Variants in IQGAP2 observed in about 807,000 individuals in gnomAD.
The protein encoded by IQGAP2 is ras GTPase-activating-like protein IQGAP2.
In IQGAP2, 173 loss-of-function variants were observed where a neutral mutation model predicts 201.3. That is an observed-to-expected ratio of 0.86 (90% confidence interval 0.76 to 0.98). The LOEUF is 0.98. Ranked by LOEUF, IQGAP2 falls within the 50% of genes least tolerant of loss-of-function variation. The probability of loss-of-function intolerance (pLI) is 0.00; values close to 1 mark genes in which losing one functional copy is unlikely to be tolerated. For synonymous variants in IQGAP2, 675 were observed against 673.9 expected (o/e 1.00, Z -0.03); for missense variants, 1,687 against 1,864.8 (o/e 0.90, Z 1.76).
intron 1 of IQGAP2, among the ~76,000 whole-genome samples, chr5:76,435,380 A>G (rs1409777965): frequency 1.3e-5 from 2 of 152,094 alleles, no homozygotes; most frequent in African/African-American, 2.4e-5. Context: ...TTTGTATACA[A>G]TGAGAGGGAT....
intron 2 of IQGAP2, among the ~76,000 whole-genome samples, chr5:76,539,163 C>T (rs1759789647): frequency 6.6e-6 from 1 of 152,218 alleles, no homozygotes; most frequent in South Asian, 2.1e-4. Context: ...GGCTCCTGCC[C>T]CTCTGACCTC....
At chr5:76,558,265 A>T (rs550702538) in intron 2 of IQGAP2, among the ~76,000 whole-genome samples, 4 of 151,190 alleles carry the variant, frequency 2.6e-5, no homozygotes, top group Non-Finnish European at 5.9e-5. Flanking sequence ...ATCTCCCCCT[A>T]CTCTTGCTAC....
At chr5:76,462,074 C>A (rs1368573749) in intron 2 of IQGAP2, among the ~76,000 whole-genome samples, 3 of 152,194 alleles carry the variant, frequency 2.0e-5, no homozygotes, top group Admixed American at 6.5e-5. Context: ...AAAGTTGAGG[C>A]ACTAGGAGGA....
Position 76,528,747 on chromosome 5 carries a change from CCAG to C in IQGAP2, c.147-33647_147-33645del, listed in dbSNP as rs535323025. Among the ~76,000 whole-genome samples the C allele has an allele frequency of 2.9e-3, 445 of 152,290 alleles. 2 individuals carry two copies. The highest frequency in any genetic ancestry group is 4.5e-3 in the Non-Finnish European group (307 of 68,020). ...TCGTGGCCAATATGATTCATTTGCA[CCAG>C]CTCTGAAGCCTAGTGCATGCCATTT... On this transcript the variant is annotated intron_variant, in intron 2 of 35. Transcript: ENST00000274364.
intron 13 of IQGAP2, chr5:76,615,665 A>G (rs747299845): frequency 2.6e-5 from 4 of 152,106 alleles, no homozygotes; most frequent in Non-Finnish European, 5.9e-5. Flanking sequence ...TCTAATCACT[A>G]ATATCTTCCC....
intron 2 of IQGAP2, among the ~76,000 whole-genome samples, chr5:76,506,952 C>T (rs1411159233): frequency 6.6e-6 from 1 of 152,190 alleles, no homozygotes; most frequent in Non-Finnish European, 1.5e-5. Flanking sequence ...CCAACTTGAT[C>T]TATAGGTCCA....
rs1744531480 is a variant in IQGAP2 at position 76,673,482 on chromosome 5, T to A, written c.3102T>A (p.Ala1034=). The A allele has an allele frequency of 1.2e-6, 2 of 1,613,970 alleles. No individual in the cohort carries two copies. The highest frequency in any genetic ancestry group is 2.2e-5 in the South Asian group (2 of 91,078). ...KLPYDVTTEQ[A]LTYPEVKNKL... The stretch of plus-strand genomic sequence containing the variant: ...CTTATGATGTGACCACAGAACAAGC[T>A]CTAACATACCCAGAAGTGAAAAATA... Residue 1034 remains alanine, a synonymous_variant, in exon 25 of 36, where the codon GCT becomes GCA. Coordinates refer to ENST00000274364, the MANE Select transcript of IQGAP2 (RefSeq NM_006633.5).
chr5:76,551,144 G>A (rs1259154655), intron 2 of IQGAP2, among the ~76,000 whole-genome samples: 1 of 150,634 alleles, frequency 6.6e-6, no homozygotes, highest in Non-Finnish European at 1.5e-5. Context: ...CGGCCGGGCA[G>A]AGACGCTCCT....
At chr5:76,518,464 C>T (rs1758470202) in intron 2 of IQGAP2, among the ~76,000 whole-genome samples, 1 of 152,170 alleles carries the variant, frequency 6.6e-6, no homozygotes, top group Admixed American at 6.5e-5. Flanking sequence ...ACAGGAAAGA[C>T]TTGCCCCCAT....
Position 76,597,506 on chromosome 5 carries a change from A to G in IQGAP2, c.975A>G (p.Ala325=), listed in dbSNP as rs1378411176. Residue 325 remains alanine, a synonymous_variant, in exon 10 of 36, where the codon GCA becomes GCG. Transcript: ENST00000274364. ...PEGDPENTLL[A]LKKPEAQLPA... is the part of the protein sequence containing the mutation. Reference sequence around the variant, plus strand: ...GTGACCCCGAGAATACGCTGCTTGCACTGAAGAAACCAGAGGCCCAGCTGC... The same window carrying G: ...GTGACCCCGAGAATACGCTGCTTGCGCTGAAGAAACCAGAGGCCCAGCTGC... The G allele has an allele frequency of 1.2e-6, 2 of 1,613,974 alleles. No individual in the cohort carries two copies. Among genetic ancestry groups the G allele is most frequent in the Non-Finnish European group, 1.7e-6 (2 of 1,179,966 alleles).
chr5:76,611,022 G>T lies in IQGAP2; in HGVS notation c.1360G>T (p.Val454Phe). 6.2e-7 allele frequency: 1 copy of T among 1,606,472 alleles called. No individual in the cohort carries two copies. Residue 454 changes from valine to phenylalanine, a missense_variant and splice_region_variant, in exon 13 of 36, where the codon GTT becomes TTT. Val to Phe is a conservative substitution (Grantham distance 50). Transcript: ENST00000274364. ...NAQIQEENDRVVAVGYINEAI... is the reference protein window; with the variant it reads ...NAQIQEENDRFVAVGYINEAI... ...AAAACTACTTCTTCATTTTCTAGGAGTTGTAGCTGTAGGGTACATCAATGA... is the reference window on the plus strand; with the variant it reads ...AAAACTACTTCTTCATTTTCTAGGATTTGTAGCTGTAGGGTACATCAATGA...
intron 2 of IQGAP2, among the ~76,000 whole-genome samples, chr5:76,555,125 G>A (rs1743847110): frequency 6.6e-6 from 1 of 152,180 alleles, no homozygotes; most frequent in Non-Finnish European, 1.5e-5. Context: ...CAGTAGATTA[G>A]TGTGTTAGGG....
rs1297292840 is a variant in IQGAP2 at position 76,698,032 on chromosome 5, T to C, written c.4252T>C (p.Leu1418=). The C allele has an allele frequency of 2.5e-6, 4 of 1,613,166 alleles. No homozygotes were observed. The highest frequency in any genetic ancestry group is 2.2e-5 in the East Asian group (1 of 44,834). The stretch of plus-strand genomic sequence containing the variant: ...CTATCGTAAGCTTCGAAAAGCTGAA[T>C]TGGCAAAACTTCAGCAGACCCTGAA... ...RIYRKLRKAE[L]AKLQQTLNAL... The change falls in exon 33 of 36, where the codon TTG becomes CTG. Residue 1418 remains leucine (L), a synonymous_variant. Transcript: ENST00000274364.
chr5:76,408,204 A>G (rs1750902808), intron 1 of IQGAP2, among the ~76,000 whole-genome samples: 1 of 152,156 alleles, frequency 6.6e-6, no homozygotes, highest in South Asian at 2.1e-4. Context: ...AATGCTTACC[A>G]TGTCTTCATG....
intron 1 of IQGAP2, among the ~76,000 whole-genome samples, chr5:76,410,931 A>T (rs540965273): frequency 6.6e-6 from 1 of 152,278 alleles, no homozygotes; most frequent in African/African-American, 2.4e-5. Context: ...TGTATTGTGT[A>T]TGACTTCTTC....
chr5:76,413,592 G>A (rs1255249967), intron 1 of IQGAP2, among the ~76,000 whole-genome samples: 2 of 150,670 alleles, frequency 1.3e-5, no homozygotes, highest in Admixed American at 6.7e-5. Flanking sequence ...AAACTAGTAT[G>A]TTCTATTGTT....
intron 13 of IQGAP2, among the ~76,000 whole-genome samples, chr5:76,625,597 C>T (rs3756521): frequency 0.27 from 41,004 of 152,130 alleles, 5,564 homozygotes; most frequent in East Asian, 0.36. Flanking sequence ...GGCACCAACA[C>T]TTCCCCAGAG....
At chr5:76,448,319 G>A (rs1473314821) in intron 1 of IQGAP2, among the ~76,000 whole-genome samples, 1 of 152,312 alleles carries the variant, frequency 6.6e-6, no homozygotes, top group African/African-American at 2.4e-5. Context: ...CTCACCTGCT[G>A]CTTCTATTAG....
intron 5 of IQGAP2, among the ~76,000 whole-genome samples, chr5:76,577,068 C>T (rs1745518511): frequency 6.6e-6 from 1 of 152,226 alleles, no homozygotes; most frequent in Admixed American, 6.5e-5. Context: ...CCAGCCACGA[C>T]TAGTTAATGC....
Sources: allele counts gnomAD v4.1 joint callset (sites outside exome capture counted in the v4.1 genomes callset), GRCh38; gene constraint gnomAD v4.1.1; transcripts MANE v1.5; gene names NCBI Gene and HGNC (gene_info 2026-07-23, HGNC 2026-07-21).